The following UGGT2 variants were observed in gnomAD, a reference collection of about 807,000 sequenced individuals.
The protein encoded by UGGT2 is UDP-glucose glycoprotein glucosyltransferase 2.
A neutral mutation model predicts 192.1 loss-of-function variants in UGGT2; 180 were observed. The observed-to-expected ratio is 0.94, with a 90% confidence interval of 0.83 to 1.06. The LOEUF (loss-of-function observed/expected upper bound fraction) is 1.06, where lower values mean the gene tolerates loss of function less well. UGGT2 is among the 50% of genes least tolerant of loss of function. The probability of loss-of-function intolerance (pLI) is 0.00; values close to 1 mark genes in which losing one functional copy is unlikely to be tolerated. For missense variants in UGGT2, 1,849 were observed against 1,795.7 expected (o/e 1.03, Z -0.54); for synonymous variants, 580 against 591.0 (o/e 0.98, Z 0.27).
At chr13:95,896,368 C>T (rs148558989) in intron 22 of UGGT2, among the ~76,000 whole-genome samples, 2,881 of 152,102 alleles carry the variant, frequency 0.019, 34 homozygotes, top group Non-Finnish European at 0.03. Flanking sequence ...AAAACACGGG[C>T]TCTTAAAAAC....
chr13:95,867,545 T>C lies in UGGT2; in HGVS notation c.3474-122A>G, dbSNP rs898214968. ...CAATAACACTAGTGCATATATCATG[T>C]TTTTCTGTTTCTATAGTCAATTAAG... On this transcript the variant is annotated intron_variant, in intron 29 of 38. Transcript: ENST00000376747. 4.1e-5 allele frequency: 27 copies of C among 661,084 alleles called. No individual in the cohort carries two copies. The Middle Eastern group carries it at 1.8e-3, about 45-fold the overall frequency. The allele number at this position is 661,084 out of a possible 1,614,324, so 41.0% of individuals were successfully genotyped here. A position where few individuals can be genotyped will look rare whatever the true frequency, so the allele number is the denominator to read the frequency against.
In UGGT2 at chr13:95,854,353, G is replaced by C; in HGVS notation, c.4131C>G (p.Tyr1377Ter). 6.2e-7 allele frequency: 1 copy of C among 1,613,664 alleles called. No individual in the cohort carries two copies. The highest frequency in any genetic ancestry group is 8.5e-7 in the Non-Finnish European group (1 of 1,179,782). Residue 1377 changes from tyrosine (Y) to a stop codon, truncating the protein, a stop_gained, in exon 35 of 39, where the codon TAC becomes TAG. Transcript: ENST00000376747. LOFTEE classifies it high-confidence loss of function. ...MDGYRFWKTG[Y>*]WASHLLRRKY... The stretch of plus-strand genomic sequence containing the variant: ...TCCGTCTTAAAAGATGTGATGCCCA[G>C]TATCCTGTTTTCCAGAAACGATATC...
chr13:95,860,578 C>T (rs1389968280), intron 32 of UGGT2, among the ~76,000 whole-genome samples: 1 of 149,762 alleles, frequency 6.7e-6, no homozygotes, highest in African/African-American at 2.4e-5. Flanking sequence ...TAAATATACA[C>T]ATATATATTT....
intron 20 of UGGT2, among the ~76,000 whole-genome samples, chr13:95,911,223 G>T (rs899587473): frequency 2.6e-5 from 4 of 152,072 alleles, no homozygotes; most frequent in African/African-American, 9.7e-5. Context: ...CAGAACGCAA[G>T]AAATAACTAA....
intron 9 of UGGT2, among the ~76,000 whole-genome samples, chr13:95,986,086 T>C (rs1157007286): frequency 6.6e-6 from 1 of 152,106 alleles, no homozygotes; most frequent in Non-Finnish European, 1.5e-5. Context: ...GAAAATTTTT[T>C]AGGACTTTTT....
chr13:95,925,762 A>AT lies in UGGT2; in HGVS notation c.2212dup (p.Ile738AsnfsTer13), dbSNP rs1036388156. ...AATAATCCAGAGAGTGACTGCAGAA[A>AT]TTATACTCTCATCTGAAAGTTTCAA... On this transcript the variant is annotated frameshift_variant, in exon 20 of 39. Coordinates refer to ENST00000376747, the MANE Select transcript of UGGT2 (RefSeq NM_020121.4). LOFTEE classifies it high-confidence loss of function. 6.5e-7 allele frequency: 1 copy of AT among 1,543,818 alleles called. No homozygotes were observed. Among genetic ancestry groups the AT allele is most frequent in the Non-Finnish European group, 8.8e-7 (1 of 1,142,110 alleles).
At chr13:96,002,397 C>T (rs2051835831) in intron 5 of UGGT2, among the ~76,000 whole-genome samples, 1 of 152,242 alleles carries the variant, frequency 6.6e-6, no homozygotes, top group African/African-American at 2.4e-5. Context: ...ACACTTTCAT[C>T]ACCATCTAAC....
At chr13:95,928,476 G>A (rs2049119454) in intron 17 of UGGT2, among the ~76,000 whole-genome samples, 1 of 151,860 alleles carries the variant, frequency 6.6e-6, no homozygotes. Flanking sequence ...TCACTTCTCA[G>A]ACGGGGCAGC....
intron 20 of UGGT2, among the ~76,000 whole-genome samples, chr13:95,916,524 A>G (rs1196286001): frequency 3.3e-5 from 5 of 152,238 alleles, no homozygotes; most frequent in Non-Finnish European, 7.3e-5. Context: ...CCTCTCCCCT[A>G]AGCAGACAGA....
intron 38 of UGGT2, among the ~76,000 whole-genome samples, chr13:95,832,037 A>G (rs1353687858): frequency 6.6e-6 from 1 of 151,204 alleles, no homozygotes; most frequent in Non-Finnish European, 1.5e-5. Flanking sequence ...TTTTTTTTTT[A>G]AAGGAAAACT....
chr13:95,930,709 G>T (rs2049223869), intron 17 of UGGT2, among the ~76,000 whole-genome samples: 1 of 152,144 alleles, frequency 6.6e-6, no homozygotes, highest in Non-Finnish European at 1.5e-5. Flanking sequence ...GAATTGGTGG[G>T]TTCTTGATCA....
At chr13:96,045,682 T>C (rs937151507) in intron 1 of UGGT2, among the ~76,000 whole-genome samples, 1 of 152,196 alleles carries the variant, frequency 6.6e-6, no homozygotes, top group Non-Finnish European at 1.5e-5. Context: ...TGCTCTCTTA[T>C]ATACCAACAG....
chr13:95,927,006 G>A, intron 19 of UGGT2, 22 bp downstream of exon 19: 1 of 1,567,808 alleles, frequency 6.4e-7, no homozygotes, highest in Non-Finnish European at 8.6e-7. Context: ...AAGAATTCAG[G>A]TAAATAAAAT....
At chr13:95,875,717 C>A (rs1233489375) in intron 29 of UGGT2, among the ~76,000 whole-genome samples, 2 of 152,152 alleles carry the variant, frequency 1.3e-5, no homozygotes, top group African/African-American at 4.8e-5. Context: ...CTTCCTCCTA[C>A]CCACCTCTAC....
chr13:95,822,637 C>T (rs768854891), intron 38 of UGGT2, among the ~76,000 whole-genome samples: 6 of 151,976 alleles, frequency 3.9e-5, no homozygotes, highest in Non-Finnish European at 8.8e-5. Context: ...TTTTGTATTT[C>T]TGCAGTATTG....
intron 17 of UGGT2, among the ~76,000 whole-genome samples, chr13:95,933,029 C>G (rs1337096907): frequency 2.0e-5 from 3 of 152,044 alleles, no homozygotes; most frequent in Admixed American, 6.6e-5. Context: ...ATCAATGGTA[C>G]TAGCCTGTAG....
intron 12 of UGGT2, among the ~76,000 whole-genome samples, chr13:95,965,723 C>T (rs2050557120): frequency 6.6e-6 from 1 of 151,102 alleles, no homozygotes; most frequent in South Asian, 2.1e-4. Context: ...GCACATGTAC[C>T]CTAAAACTTA....
intron 38 of UGGT2, among the ~76,000 whole-genome samples, chr13:95,816,271 G>C (rs1265860848): frequency 6.6e-6 from 1 of 152,116 alleles, no homozygotes; most frequent in Non-Finnish European, 1.5e-5. Context: ...AATTAAGAGA[G>C]TGATATCAAA....
Position 95,900,828 on chromosome 13 carries a change from C to T in UGGT2, c.2613G>A (p.Met871Ile). ...TTACTCTCCCATTGCTGACAATACCCATTTCTCCAGGACGTAATTTAAGTA... is the reference window on the plus strand; with the variant it reads ...TTACTCTCCCATTGCTGACAATACCTATTTCTCCAGGACGTAATTTAAGTA... ...QDVLKLRPGE[M>I]GIVSNGRFLG... Residue 871 changes from methionine to isoleucine, a missense_variant, in exon 22 of 39, where the codon ATG (methionine) becomes ATA (isoleucine). Met to Ile is a conservative substitution (Grantham distance 10). Transcript: ENST00000376747. The T allele has an allele frequency of 6.2e-7, 1 of 1,610,526 alleles. No individual in the cohort carries two copies. Among genetic ancestry groups the T allele is most frequent in the Non-Finnish European group, 8.5e-7 (1 of 1,178,542 alleles).
Sources: allele counts gnomAD v4.1 joint callset (sites outside exome capture counted in the v4.1 genomes callset), GRCh38; gene constraint gnomAD v4.1.1; transcripts MANE v1.5; gene names NCBI Gene and HGNC (gene_info 2026-07-23, HGNC 2026-07-21).